CDHR3: variants seen among roughly 807,000 people sequenced by gnomAD.
CDHR3 encodes the protein cadherin related family member 3.
Under a neutral mutation model 86.6 loss-of-function variants are expected in CDHR3, and 79 were observed. The ratio of observed to expected loss-of-function variants is 0.91; its 90% CI spans 0.76 to 1.10. The LOEUF is 1.10. Ranked by LOEUF, CDHR3 falls within the 50% of genes least tolerant of loss-of-function variation. The pLI is 0.00. For missense variants in CDHR3, 1,081 were observed against 1,077.6 expected (o/e 1.00, Z -0.04); for synonymous variants, 421 against 402.4 (o/e 1.05, Z -0.55).
intron 7 of CDHR3, among the ~76,000 whole-genome samples, chr7:106,003,882 G>A (rs901896781): frequency 1.4e-5 from 2 of 146,256 alleles, no homozygotes; most frequent in Non-Finnish European, 1.5e-5. Context: ...CTAGTGTTGC[G>A]AAATTCAACT....
intron 6 of CDHR3, among the ~76,000 whole-genome samples, chr7:106,001,259 T>C (rs1833127351): frequency 2.0e-5 from 3 of 152,158 alleles, no homozygotes; most frequent in Non-Finnish European, 2.9e-5. Flanking sequence ...CGTGGTACTT[T>C]CTTCACATCC....
At chr7:105,981,294 C>G (rs1284308448) in intron 3 of CDHR3, among the ~76,000 whole-genome samples, 161 bp downstream of exon 3, 1 of 152,214 alleles carries the variant, frequency 6.6e-6, no homozygotes, top group African/African-American at 2.4e-5. Flanking sequence ...TCCAGCTCAA[C>G]ACTCCCAATA....
At chr7:106,004,737 C>T (rs758439567) in intron 8 of CDHR3, 50 bp downstream of exon 8, 1 of 1,548,728 alleles carries the variant, frequency 6.5e-7, no homozygotes, top group Non-Finnish European at 8.9e-7. Flanking sequence ...TTTGGTGGCC[C>T]TCTGCCCTTC....
intron 5 of CDHR3, among the ~76,000 whole-genome samples, chr7:105,995,995 C>T (rs895832201): frequency 2.9e-4 from 44 of 152,080 alleles, no homozygotes; most frequent in African/African-American, 9.9e-4. Flanking sequence ...TGCAGCATGG[C>T]GCTTGAGCAG....
intron 2 of CDHR3, among the ~76,000 whole-genome samples, chr7:105,979,536 T>C (rs3892893): frequency 0.15 from 22,183 of 152,196 alleles, 1,678 homozygotes; most frequent in African/African-American, 0.19. Flanking sequence ...CACAGTGAAG[T>C]TTTCTCTCCT....
At chr7:105,994,985 G>A (rs1585650000) in intron 5 of CDHR3, 140 bp downstream of exon 5, 1 of 667,894 alleles carries the variant, frequency 1.5e-6, no homozygotes, top group Non-Finnish European at 2.6e-6. Flanking sequence ...AGTTCAGATG[G>A]TAGTGAACCC....
rs370315485 is a variant in CDHR3, at chr7:106,020,462, T to C, written c.1743T>C (p.Val581=). 2.4e-5 allele frequency: 38 copies of C among 1,613,888 alleles called. No individual in the cohort carries two copies. The highest frequency in any genetic ancestry group is 2.9e-5 in the Non-Finnish European group (34 of 1,179,888). ...YFLALPVDLK[V]GTNIQNFKLT... is the part of the protein sequence containing the mutation. The stretch of plus-strand genomic sequence containing the variant: ...TGGCCCTCCCAGTGGATCTGAAAGT[T>C]GGCACAAATATTCAGAATTTCAAGC... The change falls in exon 13 of 19, where the codon GTT becomes GTC. Residue 581 remains valine (V), a synonymous_variant. Coordinates refer to ENST00000317716, the MANE Select transcript of CDHR3 (RefSeq NM_152750.5).
intron 7 of CDHR3, among the ~76,000 whole-genome samples, chr7:106,002,393 G>A (rs1833324612): frequency 6.6e-6 from 1 of 152,222 alleles, no homozygotes; most frequent in South Asian, 2.1e-4. Flanking sequence ...GAGGACAAAA[G>A]GGTGTGATAA....
At chr7:105,992,073 A>C (rs1329386392) in intron 4 of CDHR3, among the ~76,000 whole-genome samples, 1 of 152,124 alleles carries the variant, frequency 6.6e-6, no homozygotes, top group African/African-American at 2.4e-5. Flanking sequence ...AGTTCCCGTC[A>C]TATCCTGTAT....
At chr7:106,022,879 C>T (rs891910912) in intron 14 of CDHR3, among the ~76,000 whole-genome samples, 2 of 152,092 alleles carry the variant, frequency 1.3e-5, no homozygotes, top group African/African-American at 2.4e-5. Flanking sequence ...TGCTCTTTCC[C>T]ACATCTTTTG....
At chr7:106,010,171 C>A (rs1228084320) in intron 8 of CDHR3, among the ~76,000 whole-genome samples, 4 of 152,170 alleles carry the variant, frequency 2.6e-5, no homozygotes. Context: ...AGGCTTAGAT[C>A]CCCAAACCAT....
At chr7:105,984,902 T>TA (rs1269924186) in intron 4 of CDHR3, among the ~76,000 whole-genome samples, 1 of 151,686 alleles carries the variant, frequency 6.6e-6, no homozygotes, top group South Asian at 2.1e-4. Flanking sequence ...CTACAAAAAA[T>TA]AAAAAAATTA....
chr7:105,970,402 G>C (rs148352246), intron 1 of CDHR3, among the ~76,000 whole-genome samples: 1 of 152,228 alleles, frequency 6.6e-6, no homozygotes, highest in Non-Finnish European at 1.5e-5. Flanking sequence ...TTCAGTGGGC[G>C]CCATGGCTGA....
intron 11 of CDHR3, among the ~76,000 whole-genome samples, chr7:106,017,507 C>A (rs748134803): frequency 1.3e-5 from 2 of 150,212 alleles, no homozygotes; most frequent in South Asian, 4.2e-4. Flanking sequence ...TGCAATGAGC[C>A]GAGATCGCAC....
chr7:105,984,240 AG>A lies in CDHR3; in HGVS notation c.466del (p.Val156LeufsTer19), dbSNP rs1563244661. The A allele has an allele frequency of 6.2e-7, 1 of 1,611,114 alleles. No individual in the cohort carries two copies. The highest frequency in any genetic ancestry group is 1.1e-5 in the South Asian group (1 of 90,540). ...AGAGCAAACCCTGGATTCATTTACC[AG>A]GTTGAGGCCTTCGATCCAGAAGACA... is the stretch of plus-strand genomic sequence containing the variant. ...VERANPGFIY[Q>X]VEAFDPEDTS... is the part of the protein sequence containing the mutation. On this transcript the variant is annotated frameshift_variant, in exon 4 of 19. Transcript: ENST00000317716. LOFTEE classifies it high-confidence loss of function.
At chr7:106,031,205 C>A (rs1049589453) in intron 18 of CDHR3, among the ~76,000 whole-genome samples, 84 of 152,188 alleles carry the variant, frequency 5.5e-4, no homozygotes, top group African/African-American at 1.9e-3. Flanking sequence ...TGATTGCCCC[C>A]CCCAGCCCAT....
At chr7:105,998,820 C>T (rs1832674694) in intron 6 of CDHR3, among the ~76,000 whole-genome samples, 1 of 152,030 alleles carries the variant, frequency 6.6e-6, no homozygotes, top group Non-Finnish European at 1.5e-5. Flanking sequence ...AAAAAAAAAG[C>T]ACCTGACATA....
chr7:106,030,717 T>G lies in CDHR3; in HGVS notation c.2305-75T>G. Reference sequence around the variant, plus strand: ...GAAGGCTTTGGTTAAGGAACTTGGGTTGTGAGGATGTGTAGCTTTGCCTGG... The same window carrying G: ...GAAGGCTTTGGTTAAGGAACTTGGGGTGTGAGGATGTGTAGCTTTGCCTGG... On this transcript the variant is annotated intron_variant, in intron 17 of 18. Transcript: ENST00000317716. This position sits in a 1 kb window ranked among gnomAD's most constrained non-coding sequence, Gnocchi z 4.8. The G allele has an allele frequency of 1.4e-6, 2 of 1,414,480 alleles. No individual in the cohort carries two copies. Among genetic ancestry groups the G allele is most frequent in the Non-Finnish European group, 2.0e-6 (2 of 1,017,190 alleles). 87.6% of individuals were successfully genotyped at this position (1,414,480 alleles called of 1,614,324 possible).
At chr7:105,986,059 TCA>T (rs770208061) in intron 4 of CDHR3, among the ~76,000 whole-genome samples, 5 of 152,110 alleles carry the variant, frequency 3.3e-5, no homozygotes, top group Non-Finnish European at 5.9e-5. Flanking sequence ...CGGATTTACC[TCA>T]GAGTTCCATG....
Sources: gnomAD v4.1 joint callset for allele counts (sites outside exome capture counted in the v4.1 genomes callset) on GRCh38, gnomAD v4.1.1 for gene constraint, Gnocchi (gnomAD v3.1) non-coding constraint, MANE v1.5 for transcripts, NCBI Gene and HGNC (gene_info 2026-07-23, HGNC 2026-07-21) for gene names.